Variants in FOCAD observed in about 807,000 individuals in gnomAD.
FOCAD encodes focadhesin.
Under a neutral mutation model 225.6 loss-of-function variants are expected in FOCAD, and 198 were observed. The ratio of observed to expected loss-of-function variants is 0.88; its 90% CI spans 0.78 to 0.99. The LOEUF is 0.99. Ranked by LOEUF, FOCAD falls within the 50% of genes least tolerant of loss-of-function variation. The pLI, the probability that FOCAD is intolerant of heterozygous loss-of-function variation, is 0.00. For synonymous variants in FOCAD, 897 were observed against 755.0 expected (o/e 1.19, Z -3.08); for missense variants, 2,713 against 2,123.6 (o/e 1.28, Z -5.46).
At chr9:20,852,670 A>C (rs1008846984) in intron 15 of FOCAD, among the ~76,000 whole-genome samples, 1 of 151,786 alleles carries the variant, frequency 6.6e-6, no homozygotes, top group African/African-American at 2.4e-5. Flanking sequence ...GTGTTTCTGA[A>C]TTGACTGCCT....
intron 33 of FOCAD, among the ~76,000 whole-genome samples, chr9:20,950,216 C>T (rs1264656558): frequency 6.6e-6 from 1 of 152,022 alleles, no homozygotes; most frequent in East Asian, 1.9e-4. Context: ...CACTGATGGT[C>T]CTTCAAACCT....
At chr9:20,955,664 C>A (rs1426973007) in intron 35 of FOCAD, among the ~76,000 whole-genome samples, 2 of 151,966 alleles carry the variant, frequency 1.3e-5, no homozygotes, top group African/African-American at 4.8e-5. Context: ...CTACGCTAGC[C>A]TTAAAATCTT....
intron 1 of FOCAD, among the ~76,000 whole-genome samples, chr9:20,702,434 A>G (rs573401909): frequency 3.9e-5 from 6 of 152,272 alleles, no homozygotes; most frequent in African/African-American, 1.2e-4. Context: ...CTTTAAGTCA[A>G]CTGTATCTAT....
At chr9:20,667,048 G>T (rs1357370758) in intron 2 of FOCAD, among the ~76,000 whole-genome samples, 1 of 152,086 alleles carries the variant, frequency 6.6e-6, no homozygotes, top group Non-Finnish European at 1.5e-5. Context: ...AAGTCACTTT[G>T]TATTTTGGCA....
intron 29 of FOCAD, among the ~76,000 whole-genome samples, chr9:20,946,452 C>T (rs939448938): frequency 6.6e-6 from 1 of 152,156 alleles, no homozygotes; most frequent in Non-Finnish European, 1.5e-5. Context: ...TCCTTTGTCA[C>T]TTGCTAGCTA....
At chr9:20,828,788 G>A (rs1038517613) in intron 15 of FOCAD, among the ~76,000 whole-genome samples, 3 of 151,866 alleles carry the variant, frequency 2.0e-5, no homozygotes, top group African/African-American at 7.3e-5. Flanking sequence ...CTCTCTCCCC[G>A]CAACCCCTCC....
At chr9:20,777,959 G>A (rs989859106) in intron 8 of FOCAD, among the ~76,000 whole-genome samples, 7 of 151,350 alleles carry the variant, frequency 4.6e-5, no homozygotes, top group Admixed American at 2.6e-4. Context: ...GCGCAGTGGC[G>A]GGCGCCTGTA....
chr9:20,848,248 C>T lies in FOCAD; in HGVS notation c.1921-14330C>T, dbSNP rs371522042. ...ACTGGACAAAATGGGCATGATTTGA[C>T]GCTAATAGACTGAGTGGGGAAACGC... On this transcript the variant is annotated intron_variant, in intron 15 of 43. Transcript: ENST00000338382. 1.4e-3 allele frequency among the ~76,000 whole-genome samples: 219 copies of T among 152,110 alleles called. 9 individuals are homozygous for T. The South Asian group carries it at 0.042, about 29-fold the overall frequency.
chr9:20,672,294 A>G lies in FOCAD; in HGVS notation c.-78+13468A>G, dbSNP rs557984076. The stretch of plus-strand genomic sequence containing the variant: ...GTGAGAAGTATGGTATAATTTTTAT[A>G]AAGTTTTCCATTGAAAATTAATTTT... On this transcript the variant is annotated intron_variant, in intron 2 of 45. Transcript: ENST00000380249. 3.9e-5 allele frequency among the ~76,000 whole-genome samples: 6 copies of G among 152,348 alleles called. No individual in the cohort carries two copies. In the East Asian group the frequency reaches 9.6e-4, roughly 24 times the overall value.
chr9:20,807,176 T>A (rs1315803962), intron 11 of FOCAD, among the ~76,000 whole-genome samples: 2 of 152,254 alleles, frequency 1.3e-5, no homozygotes, highest in Non-Finnish European at 2.9e-5. Context: ...TTATAGCTTT[T>A]TAAGTTCATT....
chr9:20,950,942 T>C, intron 33 of FOCAD, 54 bp from the exon 34 acceptor site: 1 of 1,490,754 alleles, frequency 6.7e-7, no homozygotes, highest in South Asian at 1.1e-5. Flanking sequence ...GACCTTTTAT[T>C]GAATGGAACT....
At chr9:20,949,583 T>TGGCCC in intron 32 of FOCAD, 21 bp from the exon 33 acceptor site, 1 of 948,680 alleles carries the variant, frequency 1.1e-6, no homozygotes. Context: ...GTGGGATGGG[T>TGGCCC]ATTTCTTCTT....
chr9:20,874,540 T>A, intron 18 of FOCAD, 141 bp from the exon 19 acceptor site: 1 of 763,884 alleles, frequency 1.3e-6, no homozygotes, highest in African/African-American at 1.8e-5. Flanking sequence ...TTTTAAAAAA[T>A]TAATTTCAGT....
intron 16 of FOCAD, among the ~76,000 whole-genome samples, chr9:20,864,745 A>G (rs755707757): frequency 1.3e-5 from 2 of 152,226 alleles, no homozygotes; most frequent in South Asian, 4.1e-4. Flanking sequence ...TCACTTATTC[A>G]TTGAATCAGA....
At chr9:20,783,744 A>G (rs1243994318) in intron 10 of FOCAD, among the ~76,000 whole-genome samples, 1 of 152,116 alleles carries the variant, frequency 6.6e-6, no homozygotes, top group Non-Finnish European at 1.5e-5. Flanking sequence ...ATTGAACACT[A>G]ATTGTAAATT....
intron 11 of FOCAD, among the ~76,000 whole-genome samples, chr9:20,816,696 C>G (rs1823761333): frequency 6.6e-6 from 1 of 151,954 alleles, no homozygotes; most frequent in Non-Finnish European, 1.5e-5. Flanking sequence ...AAGAATAGAA[C>G]AGATAGAGAA....
At chr9:20,903,937 C>G (rs922718835) in intron 21 of FOCAD, among the ~76,000 whole-genome samples, 2 of 151,850 alleles carry the variant, frequency 1.3e-5, no homozygotes, top group Non-Finnish European at 2.9e-5. Flanking sequence ...TCCCCTCTCC[C>G]CCGGCAGCTA....
intron 21 of FOCAD, among the ~76,000 whole-genome samples, chr9:20,889,222 C>T (rs190069510): frequency 1.6e-4 from 24 of 152,304 alleles, no homozygotes; most frequent in Admixed American, 1.5e-3. Flanking sequence ...TAAATACCAT[C>T]ATACAATACA....
intron 5 of FOCAD, among the ~76,000 whole-genome samples, chr9:20,751,735 T>C (rs997044552): frequency 2.0e-5 from 3 of 149,384 alleles, no homozygotes; most frequent in African/African-American, 7.3e-5. Context: ...ATTGCCACAC[T>C]GACTTCCACA....
Sources: gnomAD v4.1 joint callset for allele counts (sites outside exome capture counted in the v4.1 genomes callset) on GRCh38, gnomAD v4.1.1 for gene constraint, MANE v1.5 for transcripts, NCBI Gene and HGNC (gene_info 2026-07-23, HGNC 2026-07-21) for gene names.